HCRTR2: variants seen among roughly 807,000 people sequenced by gnomAD.
HCRTR2 encodes the protein orexin receptor type 2.
HCRTR2 carries 22 observed loss-of-function variants against 49.0 expected under a neutral mutation model. The observed-to-expected ratio is 0.45, with a 90% CI of 0.32 to 0.64. The LOEUF (loss-of-function observed/expected upper bound fraction) is 0.64. Among genes scored for constraint, HCRTR2 ranks in the 30% least tolerant of loss-of-function variants. HCRTR2 has a pLI of 0.04. For synonymous variants in HCRTR2, 236 were observed against 205.3 expected (o/e 1.15, Z -1.28); for missense variants, 491 against 559.4 (o/e 0.88, Z 1.23).
At chr6:55,178,810 A>G (rs1371208453) in intron 1 of HCRTR2, among the ~76,000 whole-genome samples, 1 of 152,226 alleles carries the variant, frequency 6.6e-6, no homozygotes, top group East Asian at 1.9e-4. Context: ...AATGAAAGCC[A>G]TTCCTAACTA....
At chr6:55,246,649 C>A (rs1214605018) in intron 1 of HCRTR2, among the ~76,000 whole-genome samples, 1 of 152,058 alleles carries the variant, frequency 6.6e-6, no homozygotes, top group African/African-American at 2.4e-5. Context: ...GTGGATAACA[C>A]TTAAATTGAA....
chr6:55,280,050 A>G (rs1332217259), intron 5 of HCRTR2, among the ~76,000 whole-genome samples: 1 of 152,198 alleles, frequency 6.6e-6, no homozygotes, highest in African/African-American at 2.4e-5. Context: ...TTCAACTTCC[A>G]TATTCTTATT....
At chr6:55,254,061 C>A (rs1275185096) in intron 2 of HCRTR2, among the ~76,000 whole-genome samples, 1 of 151,980 alleles carries the variant, frequency 6.6e-6, no homozygotes, top group South Asian at 2.1e-4. Flanking sequence ...TTCTTAAATG[C>A]ATAATGGATA....
chr6:55,221,575 A>C (rs1007631959), intron 1 of HCRTR2, among the ~76,000 whole-genome samples: 2 of 152,182 alleles, frequency 1.3e-5, no homozygotes, highest in African/African-American at 4.8e-5. Context: ...GCACTTTGGG[A>C]GGCCAAGGGG....
rs1235664112 is a variant in HCRTR2 at position 55,262,250 on chromosome 6, A to C, written c.647-1457A>C. Among the ~76,000 whole-genome samples, 5 of 149,610 alleles carry C rather than the reference A, an allele frequency of 3.3e-5. No homozygotes were observed. In the Admixed American group the frequency reaches 3.4e-4, roughly 10 times the overall value. On this transcript the variant is annotated intron_variant, in intron 3 of 6. Coordinates refer to ENST00000370862, the MANE Select transcript of HCRTR2 (RefSeq NM_001384272.1). ...AACCAAACACCAACTGTTTCCCCAA[A>C]ACCTATCGGAATAAAAAATTAAAAA...
intron 1 of HCRTR2, among the ~76,000 whole-genome samples, chr6:55,220,316 A>G (rs1765867810): frequency 6.6e-6 from 1 of 152,198 alleles, no homozygotes; most frequent in African/African-American, 2.4e-5. Flanking sequence ...TCAATAAAAA[A>G]TAGCAAACTG....
intron 1 of HCRTR2, among the ~76,000 whole-genome samples, chr6:55,177,640 T>G (rs1561996737): frequency 6.6e-6 from 1 of 152,160 alleles, no homozygotes. Flanking sequence ...TCAACCTTTT[T>G]GGGCTTACAA....
intron 1 of HCRTR2, among the ~76,000 whole-genome samples, chr6:55,226,956 T>C (rs1474476856): frequency 6.6e-6 from 1 of 152,110 alleles, no homozygotes; most frequent in Non-Finnish European, 1.5e-5. Context: ...TTCTTTTCAT[T>C]AGCAAAGTAA....
chr6:55,194,568 G>A (rs1765377589), intron 1 of HCRTR2, among the ~76,000 whole-genome samples: 1 of 151,908 alleles, frequency 6.6e-6, no homozygotes, highest in Non-Finnish European at 1.5e-5. Flanking sequence ...CTTAATTATA[G>A]GTGTGATTTC....
chr6:55,267,390 T>TTC (rs530253954), intron 4 of HCRTR2, among the ~76,000 whole-genome samples: 1 of 148,940 alleles, frequency 6.7e-6, no homozygotes, highest in Non-Finnish European at 1.5e-5. Flanking sequence ...ACTACTTAAA[T>TTC]TCTCTCTCTC....
At chr6:55,185,022 G>A (rs1222606355) in intron 1 of HCRTR2, among the ~76,000 whole-genome samples, 1 of 152,138 alleles carries the variant, frequency 6.6e-6, no homozygotes, top group Admixed American at 6.5e-5. Context: ...TGAAGATTGT[G>A]CTGATCTTTC....
At chr6:55,244,713 A>G (rs1283727050) in intron 1 of HCRTR2, among the ~76,000 whole-genome samples, 1 of 152,070 alleles carries the variant, frequency 6.6e-6, no homozygotes, top group Non-Finnish European at 1.5e-5. Context: ...GAGAATGTGC[A>G]GTTGTAGATA....
intron 1 of HCRTR2, among the ~76,000 whole-genome samples, chr6:55,165,798 C>A (rs1764870032): frequency 8.3e-6 from 1 of 120,992 alleles, no homozygotes; most frequent in Admixed American, 9.0e-5. Flanking sequence ...TACTCTTACA[C>A]CTCAACTATA....
At chr6:55,139,311 G>A (rs1036382870) in intron 1 of HCRTR2, among the ~76,000 whole-genome samples, 5 of 152,152 alleles carry the variant, frequency 3.3e-5, no homozygotes, top group African/African-American at 1.2e-4. Flanking sequence ...ACTTGCTGCA[G>A]CCTAAAGAAT....
At chr6:55,148,237 C>CGT (rs1038348029) in intron 1 of HCRTR2, among the ~76,000 whole-genome samples, 9 of 151,648 alleles carry the variant, frequency 5.9e-5, no homozygotes, top group African/African-American at 2.2e-4. Context: ...GTGAAATGAT[C>CGT]GTGTGTGTGT....
intron 3 of HCRTR2, among the ~76,000 whole-genome samples, chr6:55,256,515 T>C (rs1236285276): frequency 3.9e-5 from 6 of 152,150 alleles, no homozygotes; most frequent in African/African-American, 1.4e-4. Flanking sequence ...TTATTTCATA[T>C]ATTGTTGCAA....
chr6:55,201,283 C>T (rs959086410), intron 1 of HCRTR2, among the ~76,000 whole-genome samples: 19 of 146,046 alleles, frequency 1.3e-4, no homozygotes, highest in Non-Finnish European at 1.3e-4. Context: ...CTTTTCTATC[C>T]AGCTACATCA....
Position 55,242,342 on chromosome 6 carries a change from A to T in HCRTR2, c.224-6297A>T, listed in dbSNP as rs530240239. ...TTTTTAAAACTGAAACTCTTCACTC[A>T]TGGAACAATAATGTCTCCTTCCCCT... is the stretch of plus-strand genomic sequence containing the variant. On this transcript the variant is annotated intron_variant, in intron 1 of 6. Coordinates refer to ENST00000370862, the MANE Select transcript of HCRTR2 (RefSeq NM_001384272.1). Among the ~76,000 whole-genome samples, 57 of 151,816 alleles carry T rather than the reference A, an allele frequency of 3.8e-4. No homozygotes were observed. In the South Asian group the frequency reaches 7.5e-3, roughly 20 times the overall value.
chr6:55,210,379 C>T (rs145526056), intron 1 of HCRTR2, among the ~76,000 whole-genome samples: 150 of 152,048 alleles, frequency 9.9e-4, no homozygotes, highest in African/African-American at 3.5e-3. Flanking sequence ...AATAGGTGGC[C>T]TGCAGACACA....
Sources: gnomAD v4.1 joint callset for allele counts (sites outside exome capture counted in the v4.1 genomes callset) on GRCh38, gnomAD v4.1.1 for gene constraint, MANE v1.5 for transcripts, NCBI Gene and HGNC (gene_info 2026-07-23, HGNC 2026-07-21) for gene names.